The following USH2A variants were observed in gnomAD, a reference collection of about 807,000 sequenced individuals.
USH2A encodes Usher syndrome 2A (autosomal recessive, mild).
USH2A carries 443 observed loss-of-function variants against 538.9 expected under a neutral mutation model. That is an observed-to-expected ratio of 0.82 (90% CI 0.76 to 0.89). The LOEUF (loss-of-function observed/expected upper bound fraction) is 0.89. Among genes scored for constraint, USH2A ranks in the 40% least tolerant of loss-of-function variants. USH2A has a pLI of 0.00. For missense variants in USH2A, 6,633 were observed against 6,324.8 expected (o/e 1.05, Z -1.65); for synonymous variants, 2,413 against 2,273.5 (o/e 1.06, Z -1.75).
chr1:216,006,986 G>A (rs781675487), intron 32 of USH2A, among the ~76,000 whole-genome samples: 1 of 152,158 alleles, frequency 6.6e-6, no homozygotes, highest in Non-Finnish European at 1.5e-5. Flanking sequence ...TTGTGGGAGG[G>A]ACCCGGTGGG....
rs560725655 is a variant in USH2A, at chr1:215,875,999, C to T, written c.8681+1759G>A. ...TATATCACACTCTCTATGGAGGGGG[C>T]GGGGGGAAGGGTTCCTCCACTAGAT... On this transcript the variant is annotated intron_variant, in intron 43 of 71. Coordinates refer to ENST00000307340, the MANE Select transcript of USH2A (RefSeq NM_206933.4). Among the ~76,000 whole-genome samples the T allele has an allele frequency of 2.5e-3, 296 of 116,956 alleles. 3 individuals carry two copies. Among genetic ancestry groups the T allele is most frequent in the African/African-American group, 8.7e-3 (266 of 30,490 alleles). The allele number at this position is 116,956 out of a possible 152,430, so 76.7% of individuals were successfully genotyped here.
chr1:215,968,827 A>G (rs1181235322), intron 36 of USH2A, among the ~76,000 whole-genome samples: 3 of 152,310 alleles, frequency 2.0e-5, no homozygotes, highest in African/African-American at 7.2e-5. Flanking sequence ...ATTTAGATGA[A>G]TATCTTAAGA....
intron 30 of USH2A, among the ~76,000 whole-genome samples, chr1:216,056,604 T>C (rs1314060658): frequency 6.6e-6 from 1 of 152,212 alleles, no homozygotes; most frequent in Non-Finnish European, 1.5e-5. Flanking sequence ...CACTTTTTAC[T>C]ATAAAATATC....
intron 58 of USH2A, among the ~76,000 whole-genome samples, chr1:215,756,480 T>A (rs1558084447): frequency 6.6e-6 from 1 of 152,188 alleles, no homozygotes; most frequent in Non-Finnish European, 1.5e-5. Flanking sequence ...CGTATTGCTC[T>A]TGGAGAATTT....
Position 215,628,994 on chromosome 1 carries a change from C to A in USH2A, c.15339G>T (p.Val5113=), listed in dbSNP as rs1321020096. The A allele has an allele frequency of 6.2e-7, 1 of 1,613,758 alleles. No individual in the cohort carries two copies. The highest frequency in any genetic ancestry group is 8.5e-7 in the Non-Finnish European group (1 of 1,180,040). ...ATGCACTCCGGTTGCTGCGGATACT[C>A]ACAGGTGTCCCAGACCGGGGAATTT... is the stretch of plus-strand genomic sequence containing the variant. The part of the protein sequence containing the change: ...DTKIPRSGTP[V]SIRSNRSACV... Residue 5113 remains valine (V), a synonymous_variant, in exon 71 of 72, where the codon GTG becomes GTT. Coordinates refer to ENST00000307340, the MANE Select transcript of USH2A (RefSeq NM_206933.4).
chr1:216,418,433 G>C (rs1313744052), intron 3 of USH2A, 81 bp downstream of exon 3: 1 of 1,511,998 alleles, frequency 6.6e-7, no homozygotes, highest in Non-Finnish European at 9.1e-7. Flanking sequence ...CAGATTTTGT[G>C]AGTAGATGCC....
At chr1:215,678,808 A>T (rs1464732244) in intron 62 of USH2A, among the ~76,000 whole-genome samples, 1 of 152,198 alleles carries the variant, frequency 6.6e-6, no homozygotes. Flanking sequence ...AGTATATGGC[A>T]CTTAGTAGAA....
At position 215,838,062 on chromosome 1, in the gene USH2A, T is replaced by C; in HGVS notation, c.9300A>G (p.Gly3100=). ...CTIYACVKSN[G]TQITTVEDTP... is the part of the protein sequence containing the mutation. ...TGTCTTCCACAGTGGTAATTTGGGT[T>C]CCATTGCTTTTCACGCAGGCATATA... Residue 3100 remains glycine (G), a synonymous_variant, in exon 47 of 72, where the codon GGA becomes GGG. Transcript: ENST00000307340. 3.1e-6 allele frequency: 5 copies of C among 1,614,034 alleles called. No individual in the cohort carries two copies. In the South Asian group the frequency reaches 5.5e-5, roughly 18 times the overall value.
intron 32 of USH2A, among the ~76,000 whole-genome samples, chr1:216,036,477 AT>A (rs2102515995): frequency 6.6e-6 from 1 of 152,298 alleles, no homozygotes; most frequent in East Asian, 1.9e-4. Context: ...ATACACATAT[AT>A]TTTAACGAAT....
intron 3 of USH2A, among the ~76,000 whole-genome samples, chr1:216,380,877 CTATT>C (rs1286415552): frequency 2.6e-5 from 4 of 152,030 alleles, no homozygotes; most frequent in African/African-American, 9.7e-5. Context: ...CTCAATATTT[CTATT>C]TGTTTGTATA....
intron 61 of USH2A, among the ~76,000 whole-genome samples, chr1:215,726,569 T>G (rs1196837472): frequency 6.6e-6 from 1 of 152,220 alleles, no homozygotes; most frequent in Non-Finnish European, 1.5e-5. Context: ...TTATCCTCCA[T>G]AAGATAACCT....
In USH2A at chr1:215,670,921, C is replaced by T. The variant is rs1302688115; in HGVS notation, c.14133+51G>A. ...TGTGCACCATTTTTACAGGCAGGTG[C>T]TGACGGGTGCAAACAATCAGCTCGA... On this transcript the variant is annotated intron_variant, in intron 64 of 71. Transcript: ENST00000307340. 3.8e-6 allele frequency: 6 copies of T among 1,582,424 alleles called. No homozygotes were observed. In the African/African-American group the frequency reaches 4.0e-5, roughly 11 times the overall value.
At chr1:216,104,680 T>A (rs2102580014) in intron 21 of USH2A, among the ~76,000 whole-genome samples, 1 of 152,234 alleles carries the variant, frequency 6.6e-6, no homozygotes, top group African/African-American at 2.4e-5. Context: ...TCAAGATGGA[T>A]TAAAGACTTA....
rs567957287 is a variant in USH2A at position 216,402,260 on chromosome 1, A to ATTTT, written c.651+16253_651+16254insAAAA. On this transcript the variant is annotated intron_variant, in intron 3 of 71. Coordinates refer to ENST00000307340, the MANE Select transcript of USH2A (RefSeq NM_206933.4). ...TTGAAATCAATAACAGAATTATAATATTTAAAATCTCCAATTTATTTGAAA... is the reference window on the plus strand; with the variant it reads ...TTGAAATCAATAACAGAATTATAATATTTTTTTAAAATCTCCAATTTATTTGAAA... Among the ~76,000 whole-genome samples the ATTTT allele has an allele frequency of 2.7e-4, 41 of 152,286 alleles. No individual in the cohort carries two copies. In the East Asian group the frequency reaches 6.4e-3, roughly 24 times the overall value.
At chr1:215,653,549 T>C (rs976931701) in intron 64 of USH2A, among the ~76,000 whole-genome samples, 2 of 152,194 alleles carry the variant, frequency 1.3e-5, no homozygotes, top group African/African-American at 2.4e-5. Flanking sequence ...ACTGAGATAA[T>C]GAAGCATTAT....
At chr1:215,815,385 C>A (rs1662828933) in intron 48 of USH2A, among the ~76,000 whole-genome samples, 1 of 143,710 alleles carries the variant, frequency 7.0e-6, no homozygotes, top group South Asian at 2.3e-4. Context: ...CATTTATTTT[C>A]TATAAAAGGT....
chr1:216,099,269 T>A (rs1384521737), intron 21 of USH2A, among the ~76,000 whole-genome samples: 1 of 152,144 alleles, frequency 6.6e-6, no homozygotes, highest in African/African-American at 2.4e-5. Flanking sequence ...TTGAATGTTG[T>A]GTTCTTGCTG....
chr1:215,694,703 G>A (rs1472410580), intron 61 of USH2A, among the ~76,000 whole-genome samples: 14 of 152,206 alleles, frequency 9.2e-5, no homozygotes, highest in Non-Finnish European at 1.6e-4. Context: ...TTATACTCTA[G>A]TGTATCTGTC....
intron 4 of USH2A, among the ~76,000 whole-genome samples, chr1:216,336,889 A>C (rs192836930): frequency 6.6e-6 from 1 of 151,618 alleles, no homozygotes; most frequent in African/African-American, 2.4e-5. Flanking sequence ...ACAATCATAC[A>C]AGAAGAAATA....
Sources: gnomAD v4.1 joint callset for allele counts (sites outside exome capture counted in the v4.1 genomes callset) on GRCh38, gnomAD v4.1.1 for gene constraint, MANE v1.5 for transcripts, NCBI Gene and HGNC (gene_info 2026-07-23, HGNC 2026-07-21) for gene names.